MDFIC2: variants seen among roughly 807,000 people sequenced by gnomAD.
The protein encoded by MDFIC2 is MyoD family inhibitor domain containing 2.
intron 2 of MDFIC2, among the ~76,000 whole-genome samples, chr3:70,256,273 G>A (rs547707813): frequency 3.3e-5 from 5 of 152,188 alleles, no homozygotes; most frequent in South Asian, 2.1e-4. Flanking sequence ...CACCTTTGTT[G>A]TGGATTTTCT....
intron 2 of MDFIC2, among the ~76,000 whole-genome samples, chr3:70,287,783 TTGGGAGAGTGTA>T (rs1429730564): frequency 2.6e-5 from 4 of 151,184 alleles, no homozygotes; most frequent in African/African-American, 9.7e-5. Flanking sequence ...TGGTTTAGTC[TTGGGAGAGTGTA>T]TGTGTCGAGG....
At chr3:70,269,727 CTG>C (rs34895407) in intron 2 of MDFIC2, among the ~76,000 whole-genome samples, 5,747 of 152,184 alleles carry the variant, frequency 0.038, 335 homozygotes, top group African/African-American at 0.13. Flanking sequence ...AATGACAAAA[CTG>C]TTTTAAAAAA....
At chr3:70,267,824 A>T (rs540638223) in intron 2 of MDFIC2, among the ~76,000 whole-genome samples, 1 of 152,238 alleles carries the variant, frequency 6.6e-6, no homozygotes, top group African/African-American at 2.4e-5. Context: ...TTAGGTAAAA[A>T]ATGGAAATTT....
At chr3:70,198,017 ATTAG>A (rs1210759632) in intron 3 of MDFIC2, among the ~76,000 whole-genome samples, 1 of 152,216 alleles carries the variant, frequency 6.6e-6, no homozygotes, top group Non-Finnish European at 1.5e-5. Context: ...CATAAAGGGA[ATTAG>A]TTAGAAGATG....
At chr3:70,285,523 T>A (rs1037239785) in intron 2 of MDFIC2, among the ~76,000 whole-genome samples, 9 of 152,042 alleles carry the variant, frequency 5.9e-5, no homozygotes, top group African/African-American at 2.2e-4. Flanking sequence ...AAAATACGTG[T>A]GCATGTGTCT....
intron 2 of MDFIC2, among the ~76,000 whole-genome samples, chr3:70,242,994 A>C (rs936709051): frequency 1.3e-5 from 2 of 152,204 alleles, no homozygotes; most frequent in Non-Finnish European, 2.9e-5. Flanking sequence ...ATTTCCCAAG[A>C]GCAGAACGAT....
intron 2 of MDFIC2, among the ~76,000 whole-genome samples, chr3:70,227,737 C>T (rs933616439): frequency 8.5e-5 from 13 of 152,122 alleles, no homozygotes; most frequent in Non-Finnish European, 1.8e-4. Context: ...TGATAATTCT[C>T]CCAATAACTC....
At chr3:70,239,963 T>G (rs1269550908) in intron 2 of MDFIC2, among the ~76,000 whole-genome samples, 1 of 152,064 alleles carries the variant, frequency 6.6e-6, no homozygotes, top group Non-Finnish European at 1.5e-5. Context: ...CTGACCAAAG[T>G]AGTAAGCTTT....
chr3:70,237,100 T>C (rs1701617587), intron 2 of MDFIC2, among the ~76,000 whole-genome samples: 1 of 152,200 alleles, frequency 6.6e-6, no homozygotes, highest in South Asian at 2.1e-4. Flanking sequence ...GGATAAAGCT[T>C]TTCCAGATCT....
intron 3 of MDFIC2, among the ~76,000 whole-genome samples, chr3:70,203,812 G>C (rs1444507464): frequency 6.6e-6 from 1 of 151,860 alleles, no homozygotes; most frequent in Non-Finnish European, 1.5e-5. Flanking sequence ...ATTTTTAAGG[G>C]GACTGTTTTC....
At chr3:70,310,679 T>C (rs979944143) in intron 2 of MDFIC2, among the ~76,000 whole-genome samples, 1 of 152,114 alleles carries the variant, frequency 6.6e-6, no homozygotes, top group Non-Finnish European at 1.5e-5. Context: ...GGTGTATTTT[T>C]AAATTAGGGT....
intron 2 of MDFIC2, among the ~76,000 whole-genome samples, chr3:70,218,099 C>T (rs900047798): frequency 6.6e-6 from 1 of 152,124 alleles, no homozygotes; most frequent in Non-Finnish European, 1.5e-5. Flanking sequence ...CAAAAGGCCT[C>T]ACTGGGGATT....
intron 2 of MDFIC2, among the ~76,000 whole-genome samples, chr3:70,286,985 A>C (rs1244630341): frequency 4.0e-5 from 6 of 149,642 alleles, no homozygotes; most frequent in African/African-American, 1.0e-4. Context: ...TCTAGATATA[A>C]AATCATGTCG....
intron 2 of MDFIC2, among the ~76,000 whole-genome samples, chr3:70,228,957 T>C (rs1701534109): frequency 6.6e-6 from 1 of 151,882 alleles, no homozygotes; most frequent in Non-Finnish European, 1.5e-5. Context: ...AAGAGCAGAG[T>C]CCAGTGAAGA....
At chr3:70,286,226 A>G (rs1471570371) in intron 2 of MDFIC2, among the ~76,000 whole-genome samples, 1 of 152,116 alleles carries the variant, frequency 6.6e-6, no homozygotes, top group Non-Finnish European at 1.5e-5. Context: ...ATCTTGAATT[A>G]ATTTTTGTAT....
intron 2 of MDFIC2, among the ~76,000 whole-genome samples, chr3:70,282,264 G>T (rs543050014): frequency 1.6e-4 from 25 of 152,226 alleles, no homozygotes; most frequent in African/African-American, 6.0e-4. Flanking sequence ...GACCTAGAAG[G>T]AACACCTGGT....
intron 2 of MDFIC2, among the ~76,000 whole-genome samples, chr3:70,207,745 C>T (rs1239819262): frequency 6.6e-6 from 1 of 151,980 alleles, no homozygotes; most frequent in Non-Finnish European, 1.5e-5. Context: ...ATCTAAAGGT[C>T]AAGTAAAGTA....
chr3:70,237,264 C>A (rs894603660), intron 2 of MDFIC2, among the ~76,000 whole-genome samples: 2 of 152,192 alleles, frequency 1.3e-5, no homozygotes, highest in African/African-American at 4.8e-5. Flanking sequence ...AGAATTACTG[C>A]ATCATATTCT....
intron 2 of MDFIC2, among the ~76,000 whole-genome samples, chr3:70,276,527 T>A (rs9310188): frequency 0.62 from 94,658 of 152,064 alleles, 30,999 homozygotes; most frequent in Non-Finnish European, 0.74. Flanking sequence ...ATTCATTCCA[T>A]GTTTATTTAG....
Sources: gnomAD v4.1 joint callset for allele counts (sites outside exome capture counted in the v4.1 genomes callset) on GRCh38, gnomAD v4.1.1 for gene constraint, MANE v1.5 for transcripts, NCBI Gene and HGNC (gene_info 2026-07-23, HGNC 2026-07-21) for gene names.